SLC44A5: variants seen among roughly 807,000 people sequenced by gnomAD.
SLC44A5 encodes solute carrier family 44 member 5.
A neutral mutation model predicts 101.8 loss-of-function variants in SLC44A5; 57 were observed. That is an observed-to-expected ratio of 0.56 (90% confidence interval 0.45 to 0.70). The LOEUF (loss-of-function observed/expected upper bound fraction) is 0.70, where lower values mean the gene tolerates loss of function less well. SLC44A5 is among the 30% of genes least tolerant of loss of function. SLC44A5 has a pLI of 0.00. For synonymous variants in SLC44A5, 281 were observed against 290.9 expected (o/e 0.97, Z 0.35); for missense variants, 737 against 853.1 (o/e 0.86, Z 1.70).
chr1:75,384,303 A>T (rs1433546911), intron 3 of SLC44A5, among the ~76,000 whole-genome samples: 6 of 151,422 alleles, frequency 4.0e-5, no homozygotes, highest in African/African-American at 1.5e-4. Context: ...TGCTGTATTC[A>T]GGAAACCCAT....
chr1:75,269,000 T>C (rs1292205186), intron 6 of SLC44A5, among the ~76,000 whole-genome samples: 1 of 152,126 alleles, frequency 6.6e-6, no homozygotes, highest in Non-Finnish European at 1.5e-5. Flanking sequence ...AAAAAGAACC[T>C]ATATGTTTGA....
At chr1:75,388,245 AAC>A (rs932974110) in intron 3 of SLC44A5, among the ~76,000 whole-genome samples, 14 of 149,824 alleles carry the variant, frequency 9.3e-5, no homozygotes, top group African/African-American at 3.5e-4. Flanking sequence ...TCCAAAAAAA[AAC>A]AGTATTAAAA....
intron 3 of SLC44A5, among the ~76,000 whole-genome samples, chr1:75,384,080 C>T (rs886944805): frequency 2.0e-5 from 3 of 151,440 alleles, no homozygotes; most frequent in Admixed American, 1.3e-4. Flanking sequence ...AAGGAACTAC[C>T]GGTACCAGCC....
At chr1:75,362,648 T>G (rs1415144620) in intron 3 of SLC44A5, among the ~76,000 whole-genome samples, 1 of 152,096 alleles carries the variant, frequency 6.6e-6, no homozygotes. Flanking sequence ...TTTGTACCAC[T>G]GTGAACAGAA....
intron 7 of SLC44A5, 90 bp from the exon 8 acceptor site, chr1:75,243,101 AC>A (rs1433735303): frequency 7.1e-7 from 1 of 1,412,696 alleles, no homozygotes; most frequent in African/African-American, 1.5e-5. Flanking sequence ...ATCCACCATA[AC>A]AAAAAGCAAT....
intron 1 of SLC44A5, among the ~76,000 whole-genome samples, chr1:75,544,666 C>T (rs1381569570): frequency 6.6e-6 from 1 of 152,150 alleles, no homozygotes; most frequent in East Asian, 1.9e-4. Context: ...AAGAATTTAA[C>T]ATTTACGCAA....
At chr1:75,719,470 A>G in the SLC44A5 span, among the ~76,000 whole-genome samples, 1 of 151,700 alleles carries the variant, frequency 6.6e-6, no homozygotes, top group Non-Finnish European at 1.5e-5. Context: ...AAAACTGGAG[A>G]AAAAAAAATC....
At chr1:75,472,388 G>T (rs764564682) in intron 2 of SLC44A5, among the ~76,000 whole-genome samples, 2 of 151,800 alleles carry the variant, frequency 1.3e-5, no homozygotes, top group East Asian at 3.9e-4. Flanking sequence ...CATCTTTGAG[G>T]GTTCATTAAT....
chr1:75,627,594 G>A, the SLC44A5 span, among the ~76,000 whole-genome samples: 38 of 151,992 alleles, frequency 2.5e-4, no homozygotes, highest in Non-Finnish European at 4.3e-4. Context: ...GTGGCAGGAG[G>A]ATTGCTTGAA....
chr1:75,445,558 A>ATTACGTAATATATACATATATATGTATAC (rs1557791795), intron 2 of SLC44A5, among the ~76,000 whole-genome samples: 44 of 64,212 alleles, frequency 6.9e-4, no homozygotes, highest in African/African-American at 3.5e-3. Context: ...TATATGTATA[A>ATTACGTAATATATACATATATATGTATAC]ATTATATATA....
intron 19 of SLC44A5, 26 bp downstream of exon 19, chr1:75,215,728 A>G (rs373075560): frequency 6.7e-6 from 9 of 1,353,364 alleles, no homozygotes; most frequent in African/African-American, 1.4e-5. Flanking sequence ...GAAGCAGCTT[A>G]GTAAATAATA....
At chr1:75,312,816 C>T (rs1054318562) in intron 4 of SLC44A5, among the ~76,000 whole-genome samples, 2 of 152,014 alleles carry the variant, frequency 1.3e-5, no homozygotes, top group Admixed American at 6.6e-5. Context: ...GGGGAGTTCA[C>T]TCGCAACATT....
chr1:75,643,728 CAAGT>C, the SLC44A5 span, among the ~76,000 whole-genome samples: 8 of 152,248 alleles, frequency 5.3e-5, no homozygotes, highest in East Asian at 1.9e-4. Flanking sequence ...GGCCTGCGGC[CAAGT>C]AAGACATGGT....
intron 2 of SLC44A5, among the ~76,000 whole-genome samples, chr1:75,450,169 T>C (rs1259848146): frequency 6.6e-6 from 1 of 151,764 alleles, no homozygotes; most frequent in African/African-American, 2.4e-5. Context: ...TAAAAGCGAG[T>C]GAAGCTCCAG....
intron 1 of SLC44A5, among the ~76,000 whole-genome samples, chr1:75,542,752 T>C (rs1404895681): frequency 6.6e-6 from 1 of 152,178 alleles, no homozygotes; most frequent in African/African-American, 2.4e-5. Context: ...ACTCAAAGAT[T>C]ACAAAGTGTT....
chr1:75,659,753 C>A, the SLC44A5 span, among the ~76,000 whole-genome samples: 1 of 151,050 alleles, frequency 6.6e-6, no homozygotes, highest in Non-Finnish European at 1.5e-5. Flanking sequence ...CAGAGTGAGA[C>A]CCTGTCTCAA....
chr1:75,327,525 A>C (rs1222761741), intron 4 of SLC44A5, among the ~76,000 whole-genome samples: 1 of 152,178 alleles, frequency 6.6e-6, no homozygotes, highest in East Asian at 1.9e-4. Context: ...TATATAGGAA[A>C]TTTGGGTAAG....
the SLC44A5 span, among the ~76,000 whole-genome samples, chr1:75,654,142 AAAAAT>A: frequency 6.6e-6 from 1 of 152,194 alleles, no homozygotes; most frequent in Non-Finnish European, 1.5e-5. Flanking sequence ...TTGTTACAAT[AAAAAT>A]ATTTATAGGT....
intron 5 of SLC44A5, among the ~76,000 whole-genome samples, chr1:75,297,590 C>T (rs1459144103): frequency 6.6e-6 from 1 of 152,070 alleles, no homozygotes; most frequent in East Asian, 1.9e-4. Flanking sequence ...CACACCTGGC[C>T]ATAAAAATTT....
Sources: gnomAD v4.1 joint callset for allele counts (sites outside exome capture counted in the v4.1 genomes callset) on GRCh38, gnomAD v4.1.1 for gene constraint, MANE v1.5 for transcripts, NCBI Gene and HGNC (gene_info 2026-07-23, HGNC 2026-07-21) for gene names.